LYPD6B: variants seen among roughly 807,000 people sequenced by gnomAD.
The protein encoded by LYPD6B is LY6/PLAUR domain containing 6B, also known as ly6/PLAUR domain-containing protein 6B.
In LYPD6B, 17 loss-of-function variants were observed where a neutral mutation model predicts 22.8. The ratio of observed to expected loss-of-function variants is 0.75; its 90% CI spans 0.51 to 1.12. The LOEUF is 1.12. Among genes scored for constraint, LYPD6B ranks in the 50% most tolerant of loss-of-function variants. The probability of loss-of-function intolerance (pLI) is 0.00; values close to 1 mark genes in which losing one functional copy is unlikely to be tolerated. For synonymous variants in LYPD6B, 106 were observed against 91.6 expected (o/e 1.16, Z -0.90); for missense variants, 221 against 258.3 (o/e 0.86, Z 0.99).
chr2:149,190,862 G>A (rs1692442141), intron 3 of LYPD6B, among the ~76,000 whole-genome samples: 1 of 151,980 alleles, frequency 6.6e-6, no homozygotes, highest in Non-Finnish European at 1.5e-5. Flanking sequence ...TCTTAACTTT[G>A]CTTATGAGTT....
intron 2 of LYPD6B, among the ~76,000 whole-genome samples, chr2:149,156,169 G>A (rs428670): frequency 0.79 from 119,733 of 151,786 alleles, 47,474 homozygotes; most frequent in Non-Finnish European, 0.83. Context: ...TGAGAAGGGT[G>A]CAGAATGGTG....
At chr2:149,103,143 A>G (rs1686293138) in intron 1 of LYPD6B, among the ~76,000 whole-genome samples, 1 of 152,194 alleles carries the variant, frequency 6.6e-6, no homozygotes, top group Non-Finnish European at 1.5e-5. Context: ...AGGGAACTCA[A>G]GGCATTGTTT....
chr2:149,109,316 T>G (rs1393337067), intron 1 of LYPD6B, among the ~76,000 whole-genome samples: 1 of 152,196 alleles, frequency 6.6e-6, no homozygotes, highest in East Asian at 1.9e-4. Context: ...TCTTTTTTCT[T>G]TCAGCACTTT....
intron 2 of LYPD6B, among the ~76,000 whole-genome samples, chr2:149,140,697 T>C (rs1409056108): frequency 6.6e-6 from 1 of 152,252 alleles, no homozygotes; most frequent in East Asian, 1.9e-4. Context: ...AAGAAGGTTT[T>C]CCCTCACTTT....
chr2:149,156,540 T>G (rs1352908712), intron 2 of LYPD6B, among the ~76,000 whole-genome samples: 1 of 152,174 alleles, frequency 6.6e-6, no homozygotes, highest in Non-Finnish European at 1.5e-5. Context: ...TCAGCAAGGT[T>G]GGGTCTTTCT....
At chr2:149,187,611 T>TGAATAAAC in intron 3 of LYPD6B, 3 of 1,181,162 alleles carry the variant, frequency 2.5e-6, no homozygotes, top group Non-Finnish European at 3.4e-6. Flanking sequence ...GTTGAGTAAC[T>TGAATAAAC]GAATAAACGT....
chr2:149,108,236 G>A (rs1217968978), intron 1 of LYPD6B, among the ~76,000 whole-genome samples: 3 of 152,162 alleles, frequency 2.0e-5, no homozygotes, highest in Admixed American at 6.5e-5. Flanking sequence ...CACCATGATT[G>A]TAAGGCTCCC....
At chr2:149,131,644 T>C (rs1688036419) in intron 2 of LYPD6B, 1 of 152,266 alleles carries the variant, frequency 6.6e-6, no homozygotes, top group African/African-American at 2.4e-5. Flanking sequence ...AAAGAAAGTA[T>C]ATACGTGGAC....
chr2:149,047,955 A>G (rs1328101085), intron 1 of LYPD6B, among the ~76,000 whole-genome samples: 1 of 152,152 alleles, frequency 6.6e-6, no homozygotes, highest in African/African-American at 2.4e-5. Flanking sequence ...TACTGTCTTT[A>G]GCCTTTCAAA....
At chr2:149,045,484 A>G (rs1405863072) in intron 1 of LYPD6B, among the ~76,000 whole-genome samples, 1 of 151,942 alleles carries the variant, frequency 6.6e-6, no homozygotes. Context: ...TCTATTTTTT[A>G]AGGGATAAGC....
intron 3 of LYPD6B, chr2:149,187,483 T>C (rs1243200909): frequency 6.6e-7 from 1 of 1,515,268 alleles, no homozygotes; most frequent in East Asian, 2.6e-5. Context: ...ACAAAGGAAA[T>C]GCAGAAGAGA....
intron 1 of LYPD6B, among the ~76,000 whole-genome samples, chr2:149,071,992 C>T (rs1218562768): frequency 2.6e-5 from 4 of 152,218 alleles, no homozygotes; most frequent in South Asian, 2.1e-4. Context: ...ACTACAGTGG[C>T]GCAATCTCAT....
At chr2:149,078,220 C>G (rs976349593) in intron 1 of LYPD6B, among the ~76,000 whole-genome samples, 7 of 152,316 alleles carry the variant, frequency 4.6e-5, no homozygotes, top group East Asian at 1.9e-4. Context: ...TGCACCCTTG[C>G]CTCCCTTGAG....
chr2:149,122,805 A>G (rs1687459626), intron 1 of LYPD6B, among the ~76,000 whole-genome samples: 3 of 152,120 alleles, frequency 2.0e-5, no homozygotes, highest in Admixed American at 6.5e-5. Flanking sequence ...TGAGTCCTCT[A>G]TACAGATTTT....
chr2:149,116,567 C>T (rs760814001), intron 1 of LYPD6B, among the ~76,000 whole-genome samples: 2 of 152,170 alleles, frequency 1.3e-5, no homozygotes, highest in Admixed American at 6.5e-5. Flanking sequence ...AATCTGACCA[C>T]TTTGACCCTT....
intron 1 of LYPD6B, among the ~76,000 whole-genome samples, chr2:149,048,497 C>A (rs544210401): frequency 1.3e-5 from 2 of 152,164 alleles, no homozygotes; most frequent in Non-Finnish European, 2.9e-5. Flanking sequence ...TCTTTCAACT[C>A]TCCCAGTGGT....
intron 2 of LYPD6B, among the ~76,000 whole-genome samples, chr2:149,150,915 A>AT (rs1689326776): frequency 1.3e-5 from 2 of 148,900 alleles, no homozygotes; most frequent in Non-Finnish European, 3.0e-5. Flanking sequence ...ATTTTTTTAA[A>AT]TTTTCTAATA....
chr2:149,086,708 T>A (rs891366394), intron 1 of LYPD6B, among the ~76,000 whole-genome samples: 1 of 152,262 alleles, frequency 6.6e-6, no homozygotes, highest in Non-Finnish European at 1.5e-5. Context: ...CCCTAAACAA[T>A]AAAAATTTAT....
chr2:149,113,242 A>G (rs1014229029), intron 1 of LYPD6B, among the ~76,000 whole-genome samples: 6 of 152,266 alleles, frequency 3.9e-5, no homozygotes, highest in Non-Finnish European at 7.4e-5. Context: ...TTATTTATAG[A>G]GTTCCCTTTC....
Sources: gnomAD v4.1 joint callset for allele counts (sites outside exome capture counted in the v4.1 genomes callset) on GRCh38, gnomAD v4.1.1 for gene constraint, MANE v1.5 for transcripts, NCBI Gene and HGNC (gene_info 2026-07-23, HGNC 2026-07-21) for gene names.